The following NPAS3 variants were observed in gnomAD, a reference collection of about 807,000 sequenced individuals.
NPAS3 encodes the protein neuronal PAS domain-containing protein 3.
A neutral mutation model predicts 73.1 loss-of-function variants in NPAS3; 14 were observed. The observed-to-expected ratio is 0.19, with a 90% CI of 0.13 to 0.30. NPAS3 has a LOEUF of 0.30. NPAS3 is among the 10% of genes least tolerant of loss of function. The pLI, the probability that NPAS3 is intolerant of heterozygous loss-of-function variation, is 1.00. For synonymous variants in NPAS3, 620 were observed against 541.5 expected, an observed-to-expected ratio of 1.14 and a Z score of -2.01; for missense variants, 1,096 against 1,250.0, an observed-to-expected ratio of 0.88 and a Z score of 1.86.
rs148458069 is a variant in NPAS3, at chr14:33,380,367, G to C, written c.468+13099G>C. Among the ~76,000 whole-genome samples, 777 of 152,152 alleles carry C rather than the reference G, an allele frequency of 5.1e-3. 13 individuals carry two copies. The highest frequency in any genetic ancestry group is 0.018 in the African/African-American group (743 of 41,504). On this transcript the variant is annotated intron_variant, in intron 4 of 11. Coordinates refer to ENST00000356141, the Ensembl canonical transcript of NPAS3. ...CTGCTTGGGGGAGGAGGGGTGCAGG[G>C]TATAGGACTCGCTACTATCTTCTGT...
At chr14:33,162,543 G>A (rs968342285) in intron 2 of NPAS3, among the ~76,000 whole-genome samples, 14 of 152,274 alleles carry the variant, frequency 9.2e-5, no homozygotes, top group African/African-American at 3.4e-4. Flanking sequence ...ATCTATAAAT[G>A]TGCCTGGATG....
At chr14:33,360,636 C>T (rs1424249660) in intron 3 of NPAS3, among the ~76,000 whole-genome samples, 3 of 152,056 alleles carry the variant, frequency 2.0e-5, no homozygotes, top group East Asian at 3.9e-4. Flanking sequence ...TCCCACCCCC[C>T]AAAAAAGTAC....
At chr14:33,180,693 G>A (rs1302551108) in intron 2 of NPAS3, among the ~76,000 whole-genome samples, 1 of 151,130 alleles carries the variant, frequency 6.6e-6, no homozygotes, top group Non-Finnish European at 1.5e-5. Flanking sequence ...CAGCTACTCA[G>A]GAGGCTGAGG....
intron 2 of NPAS3, chr14:33,214,948 C>T (rs1457438354): frequency 7.5e-6 from 4 of 530,086 alleles, no homozygotes; most frequent in Admixed American, 3.5e-5. Context: ...AAAACCTTAA[C>T]AAGTAAAACA....
At chr14:33,329,979 A>C (rs2043906983) in intron 3 of NPAS3, among the ~76,000 whole-genome samples, 2 of 152,188 alleles carry the variant, frequency 1.3e-5, no homozygotes. Context: ...ACCTGAATAA[A>C]TAAAAAACAC....
chr14:33,562,811 A>G (rs2055714051), intron 5 of NPAS3, among the ~76,000 whole-genome samples: 1 of 152,078 alleles, frequency 6.6e-6, no homozygotes. Context: ...TCCAAGTTTC[A>G]TCAATGCCCT....
chr14:33,141,423 CAAAAT>C (rs965568219), intron 2 of NPAS3, among the ~76,000 whole-genome samples: 5 of 151,978 alleles, frequency 3.3e-5, no homozygotes, highest in African/African-American at 2.4e-5. Context: ...CCATGATTAT[CAAAAT>C]AAAATGAGCC....
chr14:33,720,320 G>A (rs1199201151), intron 6 of NPAS3, among the ~76,000 whole-genome samples: 1 of 152,144 alleles, frequency 6.6e-6, no homozygotes, highest in Non-Finnish European at 1.5e-5. Context: ...CCTTTTCAAG[G>A]ACAGAGGGGT....
At chr14:33,180,575 G>A (rs531376404) in intron 2 of NPAS3, among the ~76,000 whole-genome samples, 16 of 152,036 alleles carry the variant, frequency 1.1e-4, no homozygotes, top group South Asian at 4.2e-4. Context: ...CGAGGCAGGC[G>A]GATCATGAGG....
intron 4 of NPAS3, among the ~76,000 whole-genome samples, chr14:33,498,215 G>T (rs150633304): frequency 3.3e-5 from 5 of 152,300 alleles, no homozygotes; most frequent in Admixed American, 6.5e-5. Flanking sequence ...AGGATGTGGA[G>T]AAATAGGAAT....
In NPAS3 at chr14:33,693,034, C is replaced by T. The variant is rs185492403; in HGVS notation, c.733+16649C>T. On this transcript the variant is annotated intron_variant, in intron 6 of 11. Coordinates refer to ENST00000356141, the Ensembl canonical transcript of NPAS3. ...GCATGTGGCACAGAAATGCAAAGCA[C>T]TGAAGTGAAAAACCACATCTTCCTT... Among the ~76,000 whole-genome samples, 296 of 152,020 alleles carry T rather than the reference C, an allele frequency of 1.9e-3. 9 individuals are homozygous for T. Among genetic ancestry groups the T allele is most frequent in the Admixed American group, 0.017 (256 of 15,258 alleles).
intron 5 of NPAS3, among the ~76,000 whole-genome samples, chr14:33,674,156 A>G (rs2059688448): frequency 6.6e-6 from 1 of 152,168 alleles, no homozygotes; most frequent in Non-Finnish European, 1.5e-5. Context: ...GCAAATCAGG[A>G]TGTGGAGAGA....
At chr14:33,680,363 GA>G (rs1359011348) in intron 6 of NPAS3, among the ~76,000 whole-genome samples, 1 of 152,042 alleles carries the variant, frequency 6.6e-6, no homozygotes, top group African/African-American at 2.4e-5. Context: ...TGAATTCAGG[GA>G]AAAAGGAGTA....
chr14:33,656,521 T>C (rs1338101433), intron 5 of NPAS3, among the ~76,000 whole-genome samples: 2 of 152,182 alleles, frequency 1.3e-5, no homozygotes, highest in African/African-American at 2.4e-5. Flanking sequence ...ACCAAAGCAA[T>C]GTCTGAAACA....
At chr14:33,027,862 A>AT (rs1295510847) in intron 1 of NPAS3, among the ~76,000 whole-genome samples, 1 of 152,200 alleles carries the variant, frequency 6.6e-6, no homozygotes, top group African/African-American at 2.4e-5. Context: ...GGAAATGGGA[A>AT]TTGGCACTAA....
chr14:32,942,507 CTT>C (rs1443464670), intron 1 of NPAS3, among the ~76,000 whole-genome samples: 2 of 152,168 alleles, frequency 1.3e-5, no homozygotes, highest in African/African-American at 4.8e-5. Flanking sequence ...TGTACATAAA[CTT>C]GTTTGATTTT....
At chr14:33,593,457 A>G (rs1235534987) in intron 5 of NPAS3, among the ~76,000 whole-genome samples, 1 of 152,210 alleles carries the variant, frequency 6.6e-6, no homozygotes, top group Non-Finnish European at 1.5e-5. Context: ...AATACTGTCA[A>G]TGGGTGGAAG....
At chr14:33,053,294 T>A (rs2040774805) in intron 1 of NPAS3, among the ~76,000 whole-genome samples, 1 of 152,212 alleles carries the variant, frequency 6.6e-6, no homozygotes. Flanking sequence ...CCTCTAACCA[T>A]CTCTTTCCTC....
chr14:33,444,773 A>G (rs1352241103), intron 4 of NPAS3, among the ~76,000 whole-genome samples: 3 of 152,264 alleles, frequency 2.0e-5, no homozygotes, highest in Non-Finnish European at 4.4e-5. Flanking sequence ...ATCAGTGCAC[A>G]TCTATTCACA....
Sources: allele counts gnomAD v4.1 joint callset (sites outside exome capture counted in the v4.1 genomes callset), GRCh38; gene constraint gnomAD v4.1.1; transcripts MANE v1.5; gene names NCBI Gene and HGNC (gene_info 2026-07-23, HGNC 2026-07-21).